The following CFAP96 variants were observed in gnomAD, a reference collection of about 807,000 sequenced individuals.
The protein encoded by CFAP96 is cilia-and flagella-associated protein 96.
the CFAP96 span, among the ~76,000 whole-genome samples, chr4:185,445,886 G>A: frequency 1.3e-5 from 2 of 152,090 alleles, no homozygotes; most frequent in African/African-American, 2.4e-5. Context: ...TTATTGCCCA[G>A]GCTGGGGTAC....
chr4:185,426,013 C>A, the CFAP96 span: 1 of 913,616 alleles, frequency 1.1e-6, no homozygotes, highest in South Asian at 1.5e-5. Context: ...CATGACGTCA[C>A]GGAGCGTACC....
the CFAP96 span, chr4:185,432,286 T>TTA: frequency 9.9e-7 from 1 of 1,008,848 alleles, no homozygotes; most frequent in South Asian, 1.7e-5. Flanking sequence ...TAGGACTTAC[T>TTA]TATGTAAGAT....
chr4:185,429,636 T>G, the CFAP96 span: 1 of 604,590 alleles, frequency 1.7e-6, no homozygotes, highest in Non-Finnish European at 2.8e-6. Flanking sequence ...TTCTAAAGTT[T>G]GTTAACGTGT....
chr4:185,445,030 A>T, the CFAP96 span: 1 of 1,551,616 alleles, frequency 6.4e-7, no homozygotes, highest in Admixed American at 2.0e-5. Context: ...TTATGTGGCT[A>T]AATTGGCAAA....
At chr4:185,418,348 AT>A in the CFAP96 span, 1 of 972,850 alleles carries the variant, frequency 1.0e-6, no homozygotes, top group Non-Finnish European at 1.5e-6. Flanking sequence ...CTGACCTATG[AT>A]AAGAGGGTTA....
At chr4:185,410,735 A>G in the CFAP96 span, among the ~76,000 whole-genome samples, 2 of 152,138 alleles carry the variant, frequency 1.3e-5, no homozygotes, top group Admixed American at 1.3e-4. Context: ...TCACGAGGTC[A>G]GGAGTTTGAG....
the CFAP96 span, among the ~76,000 whole-genome samples, chr4:185,410,694 C>T: frequency 6.6e-5 from 10 of 151,048 alleles, no homozygotes; most frequent in Admixed American, 1.3e-4. Flanking sequence ...CGCCTGTAAT[C>T]CCAGCACTTT....
the CFAP96 span, among the ~76,000 whole-genome samples, chr4:185,409,226 G>C: frequency 1.3e-5 from 2 of 152,104 alleles, no homozygotes; most frequent in Non-Finnish European, 2.9e-5. Flanking sequence ...TATGATTACA[G>C]CCCAAGTATG....
At chr4:185,413,758 A>G in the CFAP96 span, 1 of 1,613,020 alleles carries the variant, frequency 6.2e-7, no homozygotes. Context: ...GGATTAAGGT[A>G]AGTATGTGGA....
At chr4:185,415,328 C>A in the CFAP96 span, 1 of 1,585,936 alleles carries the variant, frequency 6.3e-7, no homozygotes, top group South Asian at 1.2e-5. Context: ...TGAATTGCAT[C>A]AACCAGGAGT....
chr4:185,428,140 C>A, the CFAP96 span, among the ~76,000 whole-genome samples: 1 of 151,944 alleles, frequency 6.6e-6, no homozygotes, highest in Non-Finnish European at 1.5e-5. Flanking sequence ...GAGGACTAAC[C>A]CAATGTTTGT....
At chr4:185,445,210 T>C in the CFAP96 span, 1 of 1,224,852 alleles carries the variant, frequency 8.2e-7, no homozygotes, top group East Asian at 2.5e-5. Context: ...TAGTATCTTT[T>C]ATTTATATAT....
the CFAP96 span, chr4:185,415,957 T>C: frequency 9.5e-6 from 11 of 1,153,158 alleles, no homozygotes; most frequent in African/African-American, 1.6e-5. Context: ...AATGTATTTA[T>C]TATTAAGAAA....
the CFAP96 span, chr4:185,432,215 G>A: frequency 3.2e-6 from 5 of 1,542,722 alleles, no homozygotes; most frequent in Middle Eastern, 1.7e-4. Context: ...AGTGTTTTTT[G>A]GGAAAAGTCT....
the CFAP96 span, among the ~76,000 whole-genome samples, chr4:185,410,490 A>G: frequency 6.6e-6 from 1 of 151,920 alleles, no homozygotes; most frequent in East Asian, 1.9e-4. Flanking sequence ...CTCTACTAAA[A>G]ATACAAAAAT....
At chr4:185,443,921 C>CTTTTTTTTTTT in the CFAP96 span, among the ~76,000 whole-genome samples, 11 of 82,852 alleles carry the variant, frequency 1.3e-4, 2 homozygotes, top group African/African-American at 2.8e-4. Context: ...CTATATCTTT[C>CTTTTTTTTTTT]TTTTTTTTTT....
At chr4:185,408,708 C>G in the CFAP96 span, among the ~76,000 whole-genome samples, 72 of 152,234 alleles carry the variant, frequency 4.7e-4, no homozygotes, top group African/African-American at 1.6e-3. Flanking sequence ...CCTCTACTTT[C>G]GGTTCCCATA....
chr4:185,419,921 G>A, the CFAP96 span, among the ~76,000 whole-genome samples: 2 of 152,072 alleles, frequency 1.3e-5, no homozygotes, highest in Admixed American at 6.6e-5. Context: ...ATTCTCTTGG[G>A]TGATCACCTA....
chr4:185,435,994 A>G, the CFAP96 span: 1 of 1,381,850 alleles, frequency 7.2e-7, no homozygotes, highest in South Asian at 1.5e-5. Flanking sequence ...ATAGACTTAA[A>G]CTTTGCCATT....
Sources: allele counts gnomAD v4.1 joint callset (sites outside exome capture counted in the v4.1 genomes callset), GRCh38; gene constraint gnomAD v4.1.1; transcripts MANE v1.5; gene names NCBI Gene and HGNC (gene_info 2026-07-23, HGNC 2026-07-21).